RAD23B: variants seen among roughly 807,000 people sequenced by gnomAD.
RAD23B encodes lysine-specific demethylase RAD23B.
In RAD23B, 5 loss-of-function variants were observed where a neutral mutation model predicts 49.1. The observed-to-expected ratio is 0.10, with a 90% CI of 0.05 to 0.21. RAD23B has a LOEUF of 0.21. Among genes scored for constraint, RAD23B ranks in the 10% least tolerant of loss-of-function variants. RAD23B has a pLI of 1.00. For synonymous variants in RAD23B, 184 were observed against 165.4 expected, an observed-to-expected ratio of 1.11 and a Z score of -0.86; for missense variants, 356 against 486.7, an observed-to-expected ratio of 0.73 and a Z score of 2.53.
chr9:107,301,587 G>T (rs1473009243), intron 2 of RAD23B, among the ~76,000 whole-genome samples: 1 of 152,148 alleles, frequency 6.6e-6, no homozygotes, highest in Non-Finnish European at 1.5e-5. Context: ...CACCCAAGCT[G>T]GAGTGCAGTG....
chr9:107,286,838 C>T (rs1564238135), intron 1 of RAD23B, among the ~76,000 whole-genome samples: 1 of 151,880 alleles, frequency 6.6e-6, no homozygotes, highest in South Asian at 2.1e-4. Context: ...TTTGGGAGGC[C>T]GAGGTGGGCG....
intron 6 of RAD23B, among the ~76,000 whole-genome samples, chr9:107,319,748 A>G (rs1457912535): frequency 6.6e-6 from 1 of 150,758 alleles, no homozygotes. Flanking sequence ...TTTTTGAATA[A>G]AGTATTCTTT....
chr9:107,292,236 G>GT (rs1421823761), intron 1 of RAD23B, among the ~76,000 whole-genome samples: 21 of 152,158 alleles, frequency 1.4e-4, no homozygotes, highest in African/African-American at 5.1e-4. Context: ...CTTTGTGGAT[G>GT]TTTAGGGTGG....
At chr9:107,292,892 A>G (rs187380586) in intron 1 of RAD23B, among the ~76,000 whole-genome samples, 2 of 152,320 alleles carry the variant, frequency 1.3e-5, no homozygotes, top group East Asian at 1.9e-4. Context: ...TTAACCTATT[A>G]CTGCATAACA....
chr9:107,301,564 G>A lies in RAD23B; in HGVS notation c.149-471G>A, dbSNP rs146174784. On this transcript the variant is annotated intron_variant, in intron 2 of 9. Coordinates refer to ENST00000358015, the MANE Select transcript of RAD23B (RefSeq NM_002874.5). ...TTTTAGTTTTATTTGTTTGAGAGAG[G>A]GTCTTGCTCTGTCACCCAAGCTGGA... Among the ~76,000 whole-genome samples the A allele has an allele frequency of 5.5e-3, 841 of 152,182 alleles. 7 individuals are homozygous for A. The highest frequency in any genetic ancestry group is 0.02 in the African/African-American group (815 of 41,508).
At chr9:107,311,903 T>C (rs78275811) in intron 5 of RAD23B, among the ~76,000 whole-genome samples, 166 bp downstream of exon 5, 2 of 152,376 alleles carry the variant, frequency 1.3e-5, no homozygotes, top group South Asian at 2.1e-4. Context: ...CTAAAGACTT[T>C]TAATGTTTAT....
At position 107,326,411 on chromosome 9, in the gene RAD23B, G is replaced by A. The variant is rs368267748; in HGVS notation, c.1116+1407G>A. ...CAGGAGAATGGCGTGAACCCGGGAG[G>A]CGGAGCTTGCAGTGAGCCGAGATTG... is the stretch of plus-strand genomic sequence containing the variant. On this transcript the variant is annotated intron_variant, in intron 9 of 9. Transcript: ENST00000358015. Among the ~76,000 whole-genome samples, 808 of 150,020 alleles carry A rather than the reference G, an allele frequency of 5.4e-3. 6 individuals carry two copies. The highest frequency in any genetic ancestry group is 0.019 in the African/African-American group (782 of 40,838).
intron 1 of RAD23B, among the ~76,000 whole-genome samples, chr9:107,289,485 C>A (rs1356280697): frequency 1.3e-5 from 2 of 152,124 alleles, no homozygotes; most frequent in East Asian, 3.9e-4. Context: ...CACACCTAGC[C>A]AAGAAATATT....
chr9:107,293,722 G>A lies in RAD23B; in HGVS notation c.67-6419G>A, dbSNP rs11573634. On this transcript the variant is annotated intron_variant, in intron 1 of 9. Coordinates refer to ENST00000358015, the MANE Select transcript of RAD23B (RefSeq NM_002874.5). The stretch of plus-strand genomic sequence containing the variant: ...ATGGCAGCTCATTATACTATCATAG[G>A]AATATGATTTACAAGATATTATTTT... 8.8e-3 allele frequency among the ~76,000 whole-genome samples: 1,345 copies of A among 152,264 alleles called. 14 individuals are homozygous for A. The highest frequency in any genetic ancestry group is 0.03 in the African/African-American group (1,232 of 41,548).
intron 9 of RAD23B, among the ~76,000 whole-genome samples, chr9:107,325,523 CTT>C (rs1184621374): frequency 2.0e-5 from 3 of 151,952 alleles, no homozygotes; most frequent in South Asian, 2.1e-4. Flanking sequence ...GGATTTTTCT[CTT>C]AATTTCATTT....
chr9:107,303,845 T>G (rs1055200741), intron 3 of RAD23B, among the ~76,000 whole-genome samples: 1 of 152,188 alleles, frequency 6.6e-6, no homozygotes, highest in African/African-American at 2.4e-5. Flanking sequence ...TCTTTTAATA[T>G]TACAGTGATC....
At chr9:107,292,316 A>G (rs984081997) in intron 1 of RAD23B, among the ~76,000 whole-genome samples, 3 of 152,244 alleles carry the variant, frequency 2.0e-5, no homozygotes, top group African/African-American at 7.2e-5. Flanking sequence ...TGAAGTAGTT[A>G]CATGAGCACC....
At chr9:107,321,159 C>T (rs552631129) in intron 6 of RAD23B, among the ~76,000 whole-genome samples, 2 of 152,142 alleles carry the variant, frequency 1.3e-5, no homozygotes, top group South Asian at 2.1e-4. Flanking sequence ...AAGGCATCAC[C>T]TAAAAACTAA....
chr9:107,318,900 T>C lies in RAD23B; in HGVS notation c.681+21T>C. On this transcript the variant is annotated intron_variant, in intron 6 of 9. Coordinates refer to ENST00000358015, the MANE Select transcript of RAD23B (RefSeq NM_002874.5). This position sits in a 1 kb window ranked among gnomAD's most constrained non-coding sequence, Gnocchi z 4.3. ...TAATGGTGAGAAATATGTTTTACTT[T>C]ACTCCATTCTGTTGTTTAAGATTAA... The C allele has an allele frequency of 1.3e-6, 2 of 1,593,920 alleles. No individual in the cohort carries two copies. Among genetic ancestry groups the C allele is most frequent in the Admixed American group, 1.7e-5 (1 of 57,258 alleles).
chr9:107,325,575 A>G (rs1411526295), intron 9 of RAD23B, among the ~76,000 whole-genome samples: 1 of 152,124 alleles, frequency 6.6e-6, no homozygotes, highest in Non-Finnish European at 1.5e-5. Flanking sequence ...ATACAATTTA[A>G]TTGTGTATAT....
chr9:107,311,279 T>C (rs1461346491), intron 4 of RAD23B, among the ~76,000 whole-genome samples: 1 of 152,212 alleles, frequency 6.6e-6, no homozygotes, highest in Non-Finnish European at 1.5e-5. Context: ...ATTTGGTTTC[T>C]CCATGTGCTA....
chr9:107,325,313 CAAAAAAAAAAAAAAAAA>C (rs34042765), intron 9 of RAD23B, among the ~76,000 whole-genome samples: 2 of 61,386 alleles, frequency 3.3e-5, no homozygotes, highest in East Asian at 6.1e-4. Flanking sequence ...GACTCTGTCT[CAAAAAAAAAAAAAAAAA>C]AAAAAAAAAA....
At chr9:107,328,555 C>T (rs962466413) in intron 9 of RAD23B, among the ~76,000 whole-genome samples, 34 of 151,830 alleles carry the variant, frequency 2.2e-4, no homozygotes, top group African/African-American at 7.7e-4. Flanking sequence ...AATCTAATGC[C>T]GCCACTGATA....
intron 9 of RAD23B, among the ~76,000 whole-genome samples, chr9:107,328,337 A>AG (rs1827247128): frequency 6.6e-6 from 1 of 152,118 alleles, no homozygotes; most frequent in Non-Finnish European, 1.5e-5. Context: ...CTACCAACAT[A>AG]GGTGGGGTGG....
Sources: allele counts gnomAD v4.1 joint callset (sites outside exome capture counted in the v4.1 genomes callset), GRCh38; gene constraint gnomAD v4.1.1; non-coding constraint Gnocchi (gnomAD v3.1); transcripts MANE v1.5; gene names NCBI Gene and HGNC (gene_info 2026-07-23, HGNC 2026-07-21).